The following SAMMSON variants were observed in gnomAD, a reference collection of about 807,000 sequenced individuals.
SAMMSON encodes the protein survival associated mitochondrial melanoma specific oncogenic non-coding RNA.
At chr3:70,384,444 G>A (rs1418362223) in intron 9 of SAMMSON, among the ~76,000 whole-genome samples, 2 of 151,956 alleles carry the variant, frequency 1.3e-5, no homozygotes, top group East Asian at 1.9e-4. Context: ...TAGTCAATCC[G>A]ATGACTTGAG....
chr3:70,321,500 G>T (rs1230187771), intron 7 of SAMMSON, among the ~76,000 whole-genome samples: 3 of 151,968 alleles, frequency 2.0e-5, no homozygotes, highest in Non-Finnish European at 2.9e-5. Flanking sequence ...ATGGATATTT[G>T]GGTGGTTTCC....
intron 7 of SAMMSON, among the ~76,000 whole-genome samples, chr3:70,306,411 A>G (rs997846084): frequency 2.0e-5 from 3 of 152,144 alleles, no homozygotes; most frequent in Non-Finnish European, 4.4e-5. Context: ...TCACCCGGCC[A>G]ATAATCGTTT....
intron 6 of SAMMSON, among the ~76,000 whole-genome samples, chr3:70,264,177 AT>A (rs1701893459): frequency 6.6e-6 from 1 of 152,242 alleles, no homozygotes. Flanking sequence ...TCATTTTAAA[AT>A]ATATACAGAT....
chr3:70,055,011 AATT>A (rs538907870), intron 3 of SAMMSON, among the ~76,000 whole-genome samples: 79 of 152,208 alleles, frequency 5.2e-4, no homozygotes, highest in African/African-American at 1.9e-3. Context: ...GATGTCAAGG[AATT>A]ATTATTAAAT....
chr3:70,259,045 A>T (rs1457591291), intron 6 of SAMMSON, among the ~76,000 whole-genome samples: 3 of 152,218 alleles, frequency 2.0e-5, no homozygotes, highest in Non-Finnish European at 2.9e-5. Context: ...AGAAAGATAC[A>T]GTTGATGTGC....
At chr3:70,273,027 A>G (rs1701988944) in intron 6 of SAMMSON, among the ~76,000 whole-genome samples, 1 of 152,122 alleles carries the variant, frequency 6.6e-6, no homozygotes, top group African/African-American at 2.4e-5. Flanking sequence ...TCCACCTCCA[A>G]ATATCCTTCT....
chr3:70,384,348 G>C (rs751103064), intron 9 of SAMMSON, among the ~76,000 whole-genome samples: 4 of 151,882 alleles, frequency 2.6e-5, no homozygotes, highest in Non-Finnish European at 5.9e-5. Context: ...TGATAGGAAG[G>C]CATCAAAGCC....
intron 6 of SAMMSON, among the ~76,000 whole-genome samples, chr3:70,252,728 C>T (rs1461673654): frequency 1.3e-5 from 2 of 151,940 alleles, no homozygotes; most frequent in African/African-American, 4.8e-5. Context: ...CTCTACATGT[C>T]AGGAACTGGT....
At chr3:70,059,325 C>G (rs2067179019) in intron 3 of SAMMSON, among the ~76,000 whole-genome samples, 2 of 151,776 alleles carry the variant, frequency 1.3e-5, no homozygotes, top group African/African-American at 4.8e-5. Context: ...TAAAAAGAAC[C>G]AATGGGATAT....
At chr3:70,045,058 TATA>T (rs1426598007) in intron 3 of SAMMSON, among the ~76,000 whole-genome samples, 7 of 103,390 alleles carry the variant, frequency 6.8e-5, no homozygotes, top group South Asian at 3.0e-4. Context: ...TATAATTAAT[TATA>T]ATATATATTA....
chr3:70,028,985 CTT>C (rs2107583242), intron 3 of SAMMSON, among the ~76,000 whole-genome samples: 1 of 152,312 alleles, frequency 6.6e-6, no homozygotes, highest in South Asian at 2.1e-4. Flanking sequence ...GATTAAGACA[CTT>C]GTTCCGGGTG....
At chr3:70,124,814 CAAAAAAAAAA>C (rs1208323683) in intron 4 of SAMMSON, among the ~76,000 whole-genome samples, 5 of 53,698 alleles carry the variant, frequency 9.3e-5, no homozygotes, top group Non-Finnish European at 1.4e-4. Flanking sequence ...GACTCCATCT[CAAAAAAAAAA>C]AAAAAAAAAA....
intron 6 of SAMMSON, among the ~76,000 whole-genome samples, chr3:70,280,662 C>T (rs925060201): frequency 2.0e-5 from 3 of 152,058 alleles, no homozygotes; most frequent in Non-Finnish European, 4.4e-5. Flanking sequence ...CTGAGGCTGG[C>T]CATAGAAACT....
rs756509525 is a variant in SAMMSON at position 70,314,586 on chromosome 3, A to G, written n.739+23343A>G. Among the ~76,000 whole-genome samples, 177 of 152,150 alleles carry G rather than the reference A, an allele frequency of 1.2e-3. 3 individuals carry two copies. The highest frequency in any genetic ancestry group is 2.4e-3 in the Non-Finnish European group (166 of 68,028). The stretch of plus-strand genomic sequence containing the variant: ...GAGATAAAGGAAATTTAAGGCAAAA[A>G]TATCTAGATGAGAAAAGACAATTAA... On this transcript the variant is annotated intron_variant and non_coding_transcript_variant, in intron 7 of 9. Coordinates refer to ENST00000642114, the Ensembl canonical transcript of SAMMSON.
intron 7 of SAMMSON, chr3:70,302,513 C>CTGT (rs1702359971): frequency 6.6e-6 from 1 of 152,114 alleles, no homozygotes; most frequent in Non-Finnish European, 1.5e-5. Context: ...ACATCAACAG[C>CTGT]TGTTGTGACT....
intron 7 of SAMMSON, among the ~76,000 whole-genome samples, chr3:70,339,032 T>C (rs1178555184): frequency 6.6e-6 from 1 of 152,122 alleles, no homozygotes; most frequent in Non-Finnish European, 1.5e-5. Context: ...CAAAACAGCA[T>C]GCTACTGGTA....
intron 4 of SAMMSON, among the ~76,000 whole-genome samples, chr3:70,090,489 AG>A (rs1008270706): frequency 1.9e-4 from 29 of 152,332 alleles, no homozygotes; most frequent in African/African-American, 6.7e-4. Flanking sequence ...ATTTATTCAA[AG>A]CCAGCTGGTG....
chr3:70,125,901 T>C lies in SAMMSON; in HGVS notation n.507+54336T>C. The C allele has an allele frequency of 5.7e-6, 4 of 697,516 alleles. No homozygotes were observed. In the South Asian group the frequency reaches 6.0e-5, roughly 10 times the overall value. 43.2% of individuals were successfully genotyped at this position (697,516 alleles called of 1,614,324 possible). ...TGTCATCTTCTAATTCTTCACTAGA[T>C]AATTCCTCATCGTCTTCTGGCCAAG... On this transcript the variant is annotated intron_variant and non_coding_transcript_variant, in intron 4 of 9. Coordinates refer to ENST00000642114, the Ensembl canonical transcript of SAMMSON.
intron 4 of SAMMSON, among the ~76,000 whole-genome samples, chr3:70,118,855 C>T (rs1038838486): frequency 6.6e-6 from 1 of 152,140 alleles, no homozygotes; most frequent in East Asian, 1.9e-4. Flanking sequence ...AGTGATATAG[C>T]TAAGATGTGA....
Sources: gnomAD v4.1 joint callset for allele counts (sites outside exome capture counted in the v4.1 genomes callset) on GRCh38, gnomAD v4.1.1 for gene constraint, MANE v1.5 for transcripts, NCBI Gene and HGNC (gene_info 2026-07-23, HGNC 2026-07-21) for gene names.